The following CUL5 variants were observed in gnomAD, a reference collection of about 807,000 sequenced individuals.
CUL5 encodes the protein cullin 5.
In CUL5, 26 loss-of-function variants were observed where a neutral mutation model predicts 108.8. That is an observed-to-expected ratio of 0.24 (90% CI 0.18 to 0.33). CUL5 has a LOEUF of 0.33. CUL5 is among the 10% of genes least tolerant of loss of function. CUL5 has a pLI of 1.00. For synonymous variants in CUL5, 334 were observed against 298.0 expected (o/e 1.12, Z -1.25); for missense variants, 524 against 909.2 (o/e 0.58, Z 5.45).
chr11:108,012,117 T>C (rs1862071115), intron 1 of CUL5, among the ~76,000 whole-genome samples: 2 of 152,226 alleles, frequency 1.3e-5, no homozygotes, highest in African/African-American at 2.4e-5. Flanking sequence ...TTATCTTTGT[T>C]GTTTTTCCTT....
intron 11 of CUL5, among the ~76,000 whole-genome samples, chr11:108,079,303 G>A (rs556486404): frequency 1.3e-5 from 2 of 151,964 alleles, no homozygotes; most frequent in South Asian, 2.1e-4. Context: ...ACGGGGTTTC[G>A]CCATATTGGC....
chr11:108,009,236 T>G lies in CUL5; in HGVS notation c.-113T>G. On this transcript the variant is annotated 5_prime_UTR_variant, in exon 1 of 19. Transcript: ENST00000393094. ...CGCTGCTCCAGCGCCCACCACACCC[T>G]GGTGCGGGCCGACGGGCCCTGGGCC... 1 of 1,154,270 alleles carries G rather than the reference T, an allele frequency of 8.7e-7. No homozygotes were observed. The highest frequency in any genetic ancestry group is 1.3e-6 in the Non-Finnish European group (1 of 784,972). 71.5% of individuals were successfully genotyped at this position (1,154,270 alleles called of 1,614,324 possible).
In CUL5 at chr11:108,033,911, C is replaced by G; in HGVS notation, c.134C>G (p.Ser45Trp). The G allele has an allele frequency of 6.3e-7, 1 of 1,579,160 alleles. No individual in the cohort carries two copies. Among genetic ancestry groups the G allele is most frequent in the Non-Finnish European group, 8.7e-7 (1 of 1,153,502 alleles). ...VTKQQWFDLF[S>W]DVHAVCLWDD... Reference sequence around the variant, plus strand: ...AAACAGCAGTGGTTTGATCTGTTTTCGTAAGTACCCCACTAATTCTGTTTG... The same window carrying G: ...AAACAGCAGTGGTTTGATCTGTTTTGGTAAGTACCCCACTAATTCTGTTTG... The change falls in exon 2 of 19, where the codon TCG (serine) becomes TGG (tryptophan). Residue 45 changes from serine (S) to tryptophan (W), a missense_variant and splice_region_variant. Physicochemically the swap from Ser to Trp is radical, Grantham distance 177. Transcript: ENST00000393094.
chr11:108,061,611 CTTTCT>C (rs939916318), intron 7 of CUL5, among the ~76,000 whole-genome samples: 1 of 152,022 alleles, frequency 6.6e-6, no homozygotes, highest in Non-Finnish European at 1.5e-5. Context: ...GTTTGTTTTC[CTTTCT>C]TTTCCATTCC....
chr11:108,099,882 T>C (rs1181497708), intron 18 of CUL5, among the ~76,000 whole-genome samples: 5 of 151,954 alleles, frequency 3.3e-5, no homozygotes, highest in South Asian at 2.1e-4. Flanking sequence ...CCATTAAAGG[T>C]TGAATAACTT....
intron 11 of CUL5, among the ~76,000 whole-genome samples, chr11:108,080,826 C>G (rs2029979094): frequency 6.6e-6 from 1 of 152,118 alleles, no homozygotes; most frequent in Admixed American, 6.5e-5. Context: ...GTTGTCTTTT[C>G]ATTTTCTTGA....
intron 10 of CUL5, among the ~76,000 whole-genome samples, chr11:108,075,511 G>A (rs1244118718): frequency 6.6e-6 from 1 of 152,160 alleles, no homozygotes; most frequent in Non-Finnish European, 1.5e-5. Context: ...TATGTGGCTT[G>A]GAATTGGAAA....
At chr11:108,094,790 T>A in intron 14 of CUL5, 22 bp from the exon 15 acceptor site, 1 of 1,521,364 alleles carries the variant, frequency 6.6e-7, no homozygotes, top group Non-Finnish European at 8.9e-7. Context: ...TTACTTTATA[T>A]TCCTGATATT....
intron 10 of CUL5, among the ~76,000 whole-genome samples, chr11:108,077,622 T>G (rs977175974): frequency 2.3e-5 from 3 of 128,200 alleles, no homozygotes; most frequent in African/African-American, 8.3e-5. Context: ...CGAGTGAAAC[T>G]CTGTCTCCAA....
intron 7 of CUL5, among the ~76,000 whole-genome samples, chr11:108,068,161 G>T (rs537498124): frequency 6.6e-6 from 1 of 152,004 alleles, no homozygotes; most frequent in Non-Finnish European, 1.5e-5. Flanking sequence ...CAGGTGATCC[G>T]CCCGCCTTAG....
intron 7 of CUL5, among the ~76,000 whole-genome samples, chr11:108,067,383 T>C (rs1863713273): frequency 1.3e-5 from 2 of 152,230 alleles, no homozygotes; most frequent in Non-Finnish European, 2.9e-5. Flanking sequence ...AGCTCTCCTT[T>C]TAATCCTCGT....
At chr11:108,013,914 C>A (rs1183868881) in intron 1 of CUL5, among the ~76,000 whole-genome samples, 1 of 151,994 alleles carries the variant, frequency 6.6e-6, no homozygotes, top group African/African-American at 2.4e-5. Flanking sequence ...ATAAAAAGTG[C>A]CTGTAAAAGT....
intron 1 of CUL5, among the ~76,000 whole-genome samples, chr11:108,015,516 C>T (rs568142327): frequency 1.3e-5 from 2 of 152,250 alleles, no homozygotes; most frequent in South Asian, 2.1e-4. Context: ...CCTCTTGAAA[C>T]GTATATCTAA....
At chr11:108,043,069 T>C (rs1314655867) in intron 2 of CUL5, among the ~76,000 whole-genome samples, 2 of 152,094 alleles carry the variant, frequency 1.3e-5, no homozygotes, top group Non-Finnish European at 2.9e-5. Context: ...GGCCTGTTTC[T>C]TTTTTAAAAA....
intron 1 of CUL5, among the ~76,000 whole-genome samples, chr11:108,013,164 G>A (rs1862095517): frequency 6.6e-6 from 1 of 151,992 alleles, no homozygotes; most frequent in African/African-American, 2.4e-5. Flanking sequence ...TTCTCTTTTG[G>A]TTTTTATGAC....
intron 18 of CUL5, among the ~76,000 whole-genome samples, chr11:108,099,122 T>A (rs1416900303): frequency 6.6e-6 from 1 of 151,486 alleles, no homozygotes; most frequent in Non-Finnish European, 1.5e-5. Flanking sequence ...CTCCCACCTC[T>A]GCCTCCGGAT....
intron 2 of CUL5, among the ~76,000 whole-genome samples, chr11:108,038,042 A>T (rs563577155): frequency 6.6e-6 from 1 of 152,244 alleles, no homozygotes; most frequent in African/African-American, 2.4e-5. Flanking sequence ...ATGATGTAGG[A>T]CCTTGCTGCA....
intron 3 of CUL5, among the ~76,000 whole-genome samples, chr11:108,047,243 G>T (rs897050856): frequency 1.3e-5 from 2 of 152,218 alleles, no homozygotes; most frequent in South Asian, 4.1e-4. Flanking sequence ...TGTGAGCCTG[G>T]AAGATTGAGG....
chr11:108,058,905 A>G (rs1165779460), intron 7 of CUL5, among the ~76,000 whole-genome samples: 3 of 152,232 alleles, frequency 2.0e-5, no homozygotes, highest in African/African-American at 7.2e-5. Flanking sequence ...AATGTAAAAC[A>G]AGGTAAGAGG....
Sources: gnomAD v4.1 joint callset for allele counts (sites outside exome capture counted in the v4.1 genomes callset) on GRCh38, gnomAD v4.1.1 for gene constraint, MANE v1.5 for transcripts, NCBI Gene and HGNC (gene_info 2026-07-23, HGNC 2026-07-21) for gene names.